RNF220: variants seen among roughly 807,000 people sequenced by gnomAD.
RNF220 encodes the protein E3 ubiquitin-protein ligase RNF220.
RNF220 carries 7 observed loss-of-function variants against 67.1 expected under a neutral mutation model. That is an observed-to-expected ratio of 0.10 (90% confidence interval 0.06 to 0.20). The LOEUF (loss-of-function observed/expected upper bound fraction) is 0.20. Among genes scored for constraint, RNF220 ranks in the 10% least tolerant of loss-of-function variants. RNF220 has a pLI of 1.00. For synonymous variants in RNF220, 270 were observed against 283.2 expected (o/e 0.95, Z 0.47); for missense variants, 565 against 740.3 (o/e 0.76, Z 2.75).
At chr1:44,561,679 G>A (rs1663585544) in intron 2 of RNF220, among the ~76,000 whole-genome samples, 1 of 152,200 alleles carries the variant, frequency 6.6e-6, no homozygotes, top group Non-Finnish European at 1.5e-5. Flanking sequence ...CATTTTGGGA[G>A]ACTGAGGCAG....
chr1:44,616,091 G>C (rs1451686635), intron 3 of RNF220, among the ~76,000 whole-genome samples: 1 of 152,196 alleles, frequency 6.6e-6, no homozygotes, highest in Non-Finnish European at 1.5e-5. Context: ...ATTTCCCTAT[G>C]ACATGGCAGC....
chr1:44,628,127 A>G (rs1644011030), intron 5 of RNF220, among the ~76,000 whole-genome samples: 1 of 152,254 alleles, frequency 6.6e-6, no homozygotes, highest in South Asian at 2.1e-4. Flanking sequence ...CTGATCTGAT[A>G]GGGAACAGAG....
Position 44,412,106 on chromosome 1 carries a change from A to C in RNF220, c.9A>C (p.Leu3Phe). Reference sequence around the variant, plus strand: ...CACAGAAAGAGACTCCGATGGACTTACACCGGGCAGCCTTCAAGATGGAGA... The same window carrying C: ...CACAGAAAGAGACTCCGATGGACTTCCACCGGGCAGCCTTCAAGATGGAGA... MDLHRAAFKMENS... is the reference protein window; with the variant it reads MDFHRAAFKMENS... The change falls in exon 2 of 15, where the codon TTA becomes TTC. Residue 3 changes from leucine to phenylalanine, a missense_variant. Coordinates refer to ENST00000361799, the MANE Select transcript of RNF220 (RefSeq NM_018150.4). This position sits in a 1 kb window ranked among gnomAD's most constrained non-coding sequence, Gnocchi z 5.3. The C allele has an allele frequency of 6.2e-7, 1 of 1,610,944 alleles. No individual in the cohort carries two copies. Among genetic ancestry groups the C allele is most frequent in the Non-Finnish European group, 8.5e-7 (1 of 1,177,832 alleles).
intron 2 of RNF220, among the ~76,000 whole-genome samples, chr1:44,520,085 T>TTG (rs1167831790): frequency 0.058 from 6,112 of 106,130 alleles, 172 homozygotes; most frequent in Admixed American, 0.088. Context: ...AAGTCCAGCA[T>TTG]TGTGTGTGTG....
In RNF220 at chr1:44,556,175, C is replaced by T. The variant is rs191242481; in HGVS notation, c.626-57990C>T. ...TCAGCCTCCCAAGTAGCTGGGATTA[C>T]AGGCGTGCATCACCACACCTGGCTA... On this transcript the variant is annotated intron_variant, in intron 2 of 14. Coordinates refer to ENST00000361799, the MANE Select transcript of RNF220 (RefSeq NM_018150.4). Among the ~76,000 whole-genome samples, 27 of 150,116 alleles carry T rather than the reference C, an allele frequency of 1.8e-4. 2 individuals are homozygous for T. The highest frequency in any genetic ancestry group is 6.3e-4 in the African/African-American group (25 of 39,942).
chr1:44,592,224 A>C (rs916121278), intron 2 of RNF220, among the ~76,000 whole-genome samples: 1 of 152,226 alleles, frequency 6.6e-6, no homozygotes, highest in African/African-American at 2.4e-5. Flanking sequence ...TCCTTCCCGC[A>C]GCACCACTCT....
intron 2 of RNF220, among the ~76,000 whole-genome samples, chr1:44,582,954 C>T (rs549451923): frequency 2.6e-5 from 4 of 151,808 alleles, no homozygotes; most frequent in East Asian, 3.9e-4. Flanking sequence ...TGCAGTGAGT[C>T]GAGATCACGC....
At chr1:44,568,208 A>G (rs1451953658) in intron 2 of RNF220, among the ~76,000 whole-genome samples, 1 of 152,186 alleles carries the variant, frequency 6.6e-6, no homozygotes, top group Non-Finnish European at 1.5e-5. Flanking sequence ...CCTCCCAATC[A>G]GGGTAAAATC....
At chr1:44,470,590 G>A (rs1654716278) in intron 2 of RNF220, among the ~76,000 whole-genome samples, 2 of 151,972 alleles carry the variant, frequency 1.3e-5, no homozygotes. Context: ...CTCATTTGTT[G>A]GATGGAATGA....
chr1:44,543,884 T>C (rs940152327), intron 2 of RNF220, among the ~76,000 whole-genome samples: 1 of 152,142 alleles, frequency 6.6e-6, no homozygotes, highest in Non-Finnish European at 1.5e-5. Context: ...ATCTCCTTCC[T>C]CCAGATGAGT....
chr1:44,570,743 G>A (rs919221875), intron 2 of RNF220, among the ~76,000 whole-genome samples: 4 of 152,038 alleles, frequency 2.6e-5, no homozygotes, highest in East Asian at 1.9e-4. Flanking sequence ...GCCCTCCCAC[G>A]ATCTATTCTT....
chr1:44,579,587 CT>C (rs1469726768), intron 2 of RNF220, among the ~76,000 whole-genome samples: 1 of 152,168 alleles, frequency 6.6e-6, no homozygotes, highest in Non-Finnish European at 1.5e-5. Context: ...TTTGCTAGGA[CT>C]TTGGGACAGT....
At chr1:44,540,914 T>A (rs982311594) in intron 2 of RNF220, among the ~76,000 whole-genome samples, 4 of 152,094 alleles carry the variant, frequency 2.6e-5, no homozygotes, top group Non-Finnish European at 5.9e-5. Context: ...ATTTCCTCGT[T>A]TTTTGGGGCA....
intron 2 of RNF220, among the ~76,000 whole-genome samples, chr1:44,462,607 A>C (rs932836991): frequency 2.0e-5 from 3 of 152,354 alleles, no homozygotes; most frequent in Middle Eastern, 3.4e-3. Context: ...TCTCTAAGCT[A>C]TCAGTTATAA....
In RNF220 at chr1:44,462,037, C is replaced by T. The variant is rs901423747; in HGVS notation, c.625+49315C>T. Among the ~76,000 whole-genome samples the T allele has an allele frequency of 2.7e-5, 4 of 148,616 alleles. No homozygotes were observed. The South Asian group carries it at 6.4e-4, about 24-fold the overall frequency. On this transcript the variant is annotated intron_variant, in intron 2 of 14. Coordinates refer to ENST00000361799, the MANE Select transcript of RNF220 (RefSeq NM_018150.4). ...CCATCTCCCAGATTCAAGCGATTCT[C>T]CTGCTTCAGCCTCCCAAGTAGCTGG... is the stretch of plus-strand genomic sequence containing the variant.
intron 2 of RNF220, among the ~76,000 whole-genome samples, chr1:44,587,059 T>C (rs1408697239): frequency 6.8e-6 from 1 of 146,270 alleles, no homozygotes; most frequent in African/African-American, 2.6e-5. Context: ...CATGGGCAAA[T>C]TCCCCCTAAT....
chr1:44,577,150 A>G (rs1214060975), intron 2 of RNF220, among the ~76,000 whole-genome samples: 2 of 152,222 alleles, frequency 1.3e-5, no homozygotes, highest in Admixed American at 6.5e-5. Flanking sequence ...TTCACTCTAC[A>G]TTCCAATAAT....
At chr1:44,424,905 G>T (rs1057408465) in intron 2 of RNF220, among the ~76,000 whole-genome samples, 6 of 152,254 alleles carry the variant, frequency 3.9e-5, no homozygotes. Flanking sequence ...TCTCACTGCT[G>T]TTGCTCTGCC....
intron 2 of RNF220, among the ~76,000 whole-genome samples, chr1:44,418,064 C>G (rs1648769994): frequency 6.6e-6 from 1 of 152,166 alleles, no homozygotes; most frequent in Non-Finnish European, 1.5e-5. Flanking sequence ...ACCCAGTCCC[C>G]GATCGGTTTC....
Sources: gnomAD v4.1 joint callset for allele counts (sites outside exome capture counted in the v4.1 genomes callset) on GRCh38, gnomAD v4.1.1 for gene constraint, Gnocchi (gnomAD v3.1) non-coding constraint, MANE v1.5 for transcripts, NCBI Gene and HGNC (gene_info 2026-07-23, HGNC 2026-07-21) for gene names.